SYTL2: variants seen among roughly 807,000 people sequenced by gnomAD.
SYTL2 encodes synaptotagmin-like protein 2.
A neutral mutation model predicts 198.7 loss-of-function variants in SYTL2; 165 were observed. That is an observed-to-expected ratio of 0.83 (90% confidence interval 0.73 to 0.94). The LOEUF (loss-of-function observed/expected upper bound fraction) is 0.94. Ranked by LOEUF, SYTL2 falls within the 40% of genes least tolerant of loss-of-function variation. The pLI is 0.00. For missense variants in SYTL2, 2,835 were observed against 2,582.8 expected (o/e 1.10, Z -2.12); for synonymous variants, 966 against 917.7 (o/e 1.05, Z -0.95).
At chr11:85,711,569 A>G (rs968952540) in intron 12 of SYTL2, among the ~76,000 whole-genome samples, 1 of 152,156 alleles carries the variant, frequency 6.6e-6, no homozygotes, top group Non-Finnish European at 1.5e-5. Context: ...GGGGAACTCT[A>G]TTGGTATATA....
In SYTL2 at chr11:85,707,544, A is replaced by C. The variant is rs769083520; in HGVS notation, c.5916-13T>G. 2 of 1,481,944 alleles carry C rather than the reference A, an allele frequency of 1.3e-6. No individual in the cohort carries two copies. The highest frequency in any genetic ancestry group is 1.8e-6 in the Non-Finnish European group (2 of 1,082,890). 91.8% of individuals were successfully genotyped at this position (1,481,944 alleles called of 1,614,324 possible). ...GGCCTTTACATATCTGAAAAGGAGA[A>C]TTGAACAGACAAAGTCAAAGAAAAT... is the stretch of plus-strand genomic sequence containing the variant. On this transcript the variant is annotated splice_polypyrimidine_tract_variant and intron_variant, in intron 14 of 19. Transcript: ENST00000359152.
intron 9 of SYTL2, 171 bp from the exon 10 acceptor site, chr11:85,719,014 G>T: frequency 6.5e-7 from 1 of 1,527,544 alleles, no homozygotes; most frequent in East Asian, 2.5e-5. Flanking sequence ...AGCTCCTTGA[G>T]CCAGTGCCAT....
At chr11:85,771,625 T>C (rs931290870) in intron 1 of SYTL2, among the ~76,000 whole-genome samples, 2 of 152,160 alleles carry the variant, frequency 1.3e-5, no homozygotes, top group African/African-American at 4.8e-5. Flanking sequence ...ACTTTTACAC[T>C]GTAGGAGAAA....
intron 1 of SYTL2, among the ~76,000 whole-genome samples, chr11:85,792,575 G>T (rs894866970): frequency 9.2e-5 from 14 of 151,360 alleles, no homozygotes; most frequent in Non-Finnish European, 1.3e-4. Context: ...AGAAGCAAAT[G>T]ATTAATAAAT....
At chr11:85,818,700 T>TC in the SYTL2 span, among the ~76,000 whole-genome samples, 1 of 139,398 alleles carries the variant, frequency 7.2e-6, no homozygotes, top group African/African-American at 2.7e-5. Flanking sequence ...TACCTATCTA[T>TC]TTATTTATTT....
intron 1 of SYTL2, among the ~76,000 whole-genome samples, chr11:85,765,175 T>C (rs1242148413): frequency 1.3e-5 from 2 of 152,226 alleles, no homozygotes; most frequent in East Asian, 3.8e-4. Context: ...TGAACTTCTT[T>C]ATAAAGAGGT....
intron 2 of SYTL2, among the ~76,000 whole-genome samples, chr11:85,751,131 A>G (rs2091485916): frequency 6.6e-6 from 1 of 152,130 alleles, no homozygotes; most frequent in African/African-American, 2.4e-5. Flanking sequence ...TTTCTGGCTC[A>G]CTTGTTTTAA....
the SYTL2 span, among the ~76,000 whole-genome samples, chr11:85,833,094 AGAAAGAAGGAAGGAAGGAAG>A: frequency 2.3e-4 from 8 of 34,416 alleles, no homozygotes; most frequent in South Asian, 9.9e-4. Context: ...AAAGAAAGAA[AGAAAGAAGGAAGGAAGGAAG>A]GAAGGAAGGA....
At chr11:85,785,981 G>A (rs184938963) in intron 1 of SYTL2, among the ~76,000 whole-genome samples, 3 of 152,254 alleles carry the variant, frequency 2.0e-5, no homozygotes, top group Admixed American at 2.0e-4. Flanking sequence ...ATTTGTAATA[G>A]CCAAAAATTA....
In SYTL2 at chr11:85,724,198, A is replaced by T. The variant is rs750760499; in HGVS notation, c.5160T>A (p.Pro1720=). Residue 1720 remains proline (P), a synonymous_variant, in exon 8 of 20, where the codon CCT becomes CCA. Transcript: ENST00000359152. Reference sequence around the variant, plus strand: ...TAGAGTTTTCTTTGTTCATCAGGAGAGGAATGGGTTGCCTATTTCTGGACA... The same window carrying T: ...TAGAGTTTTCTTTGTTCATCAGGAGTGGAATGGGTTGCCTATTTCTGGACA... ...ISVSRNRQPI[P]LLMNKENSTK... 1.1e-5 allele frequency: 17 copies of T among 1,596,816 alleles called. No individual in the cohort carries two copies. Among genetic ancestry groups the T allele is most frequent in the Middle Eastern group, 1.7e-4 (1 of 5,976 alleles).
At chr11:85,820,664 A>G in the SYTL2 span, among the ~76,000 whole-genome samples, 3 of 152,214 alleles carry the variant, frequency 2.0e-5, no homozygotes, top group Non-Finnish European at 4.4e-5. Context: ...TGAGGTATAC[A>G]GGGGTTGCTA....
At chr11:85,721,959 G>C (rs1255842484) in intron 8 of SYTL2, among the ~76,000 whole-genome samples, 2 of 151,956 alleles carry the variant, frequency 1.3e-5, no homozygotes, top group African/African-American at 4.8e-5. Flanking sequence ...GAGCTCAGCC[G>C]CAAGTCAAAT....
chr11:85,842,130 G>T, the SYTL2 span, among the ~76,000 whole-genome samples: 1 of 152,228 alleles, frequency 6.6e-6, no homozygotes, highest in African/African-American at 2.4e-5. Flanking sequence ...GACTGACACT[G>T]AATGAGTTCA....
At position 85,811,071 on chromosome 11, in the gene SYTL2, C is replaced by G. The variant is rs1381364012; in HGVS notation, c.-507G>C. On this transcript the variant is annotated 5_prime_UTR_variant, in exon 1 of 20. Coordinates refer to ENST00000359152, the MANE Select transcript of SYTL2 (RefSeq NM_206927.4). ...CCGGGCGCGGCGCGTTACCTTCCCC[C>G]GGGCAAGGCGTTGCGAGCCTTCACT... 6.6e-6 allele frequency: 1 copy of G among 152,232 alleles called. No homozygotes were observed. Among genetic ancestry groups the G allele is most frequent in the East Asian group, 1.9e-4 (1 of 5,186 alleles). The allele number at this position is 152,232 out of a possible 1,614,324, so 9.4% of individuals were successfully genotyped here.
chr11:85,807,308 C>G (rs1409134967), intron 1 of SYTL2, among the ~76,000 whole-genome samples: 1 of 152,220 alleles, frequency 6.6e-6, no homozygotes, highest in East Asian at 1.9e-4. Flanking sequence ...AGAGCATTTA[C>G]ATCATGATTA....
chr11:85,695,340 C>A lies in SYTL2; in HGVS notation c.6575G>T (p.Gly2192Val). The A allele has an allele frequency of 1.3e-6, 2 of 1,538,088 alleles. No individual in the cohort carries two copies. The highest frequency in any genetic ancestry group is 1.2e-5 in the South Asian group (1 of 80,826). The change falls in exon 20 of 20, where the codon GGT (glycine) becomes GTT (valine). Residue 2192 changes from glycine to valine, a missense_variant and splice_region_variant. Coordinates refer to ENST00000359152, the MANE Select transcript of SYTL2 (RefSeq NM_206927.4). The part of the protein sequence containing the change: ...LGGLRIGFGT[G>V]KSYGTEVDWM... ...GTCCACTTCAGTCCCATAACTTTTA[C>A]CTGAAAAAAGGAAGCTTTGCATTTA...
intron 1 of SYTL2, among the ~76,000 whole-genome samples, chr11:85,788,053 T>A (rs953269267): frequency 1.3e-5 from 2 of 152,200 alleles, no homozygotes; most frequent in Non-Finnish European, 2.9e-5. Flanking sequence ...GGGTGTCTCC[T>A]GAGCCCAGGC....
In SYTL2 at chr11:85,748,264, C is replaced by T. The variant is rs1321396631; in HGVS notation, c.253+8G>A. 6.2e-7 allele frequency: 1 copy of T among 1,610,848 alleles called. No individual in the cohort carries two copies. Among genetic ancestry groups the T allele is most frequent in the South Asian group, 1.1e-5 (1 of 90,642 alleles). The stretch of plus-strand genomic sequence containing the variant: ...CTTGTTGTAAATGCACTAGCCAAGT[C>T]AACTCACCTGCTATCTGGGGCCTCT... On this transcript the variant is annotated splice_region_variant and intron_variant, in intron 3 of 19. Transcript: ENST00000359152.
rs940286501 is a variant in SYTL2 at position 85,696,276 on chromosome 11, C to A, written c.6481G>T (p.Asp2161Tyr). The change falls in exon 19 of 20, where the codon GAT becomes TAT. Residue 2161 changes from aspartate to tyrosine, a missense_variant. This residue lies in a region of SYTL2 where 185 missense variants were observed against 182.1 expected (regional missense o/e 1.02). Transcript: ENST00000359152. ...AGCTCTACACAGGCTTCCATCAGATCTTCAGGCCTGAACCCATCATACACC... is the reference window on the plus strand; with the variant it reads ...AGCTCTACACAGGCTTCCATCAGATATTCAGGCCTGAACCCATCATACACC... ...TMVYDGFRPE[D>Y]LMEACVELTV... is the part of the protein sequence containing the mutation. 3.1e-6 allele frequency: 5 copies of A among 1,614,128 alleles called. No individual in the cohort carries two copies. Among genetic ancestry groups the A allele is most frequent in the African/African-American group, 1.3e-5 (1 of 75,048 alleles).
Sources: allele counts gnomAD v4.1 joint callset (sites outside exome capture counted in the v4.1 genomes callset), GRCh38; gene constraint gnomAD v4.1.1; regional missense constraint gnomAD v4.1.1; transcripts MANE v1.5; gene names NCBI Gene and HGNC (gene_info 2026-07-23, HGNC 2026-07-21).